CCSER1: variants seen among roughly 807,000 people sequenced by gnomAD.
The protein encoded by CCSER1 is serine-rich coiled-coil domain-containing protein 1.
Under a neutral mutation model 82.0 loss-of-function variants are expected in CCSER1, and 41 were observed. The observed-to-expected ratio is 0.50, with a 90% CI of 0.39 to 0.65. The LOEUF (loss-of-function observed/expected upper bound fraction) is 0.65. Among genes scored for constraint, CCSER1 ranks in the 30% least tolerant of loss-of-function variants. CCSER1 has a pLI of 0.00. For synonymous variants in CCSER1, 414 were observed against 383.9 expected (o/e 1.08, Z -0.92); for missense variants, 1,119 against 1,064.2 (o/e 1.05, Z -0.72).
At chr4:90,732,409 G>A (rs1395125508) in intron 7 of CCSER1, among the ~76,000 whole-genome samples, 3 of 152,140 alleles carry the variant, frequency 2.0e-5, no homozygotes, top group African/African-American at 7.2e-5. Context: ...GGACATGTAT[G>A]TGATATTTCT....
intron 10 of CCSER1, among the ~76,000 whole-genome samples, chr4:91,456,697 A>C (rs1756195814): frequency 6.6e-6 from 1 of 152,076 alleles, no homozygotes; most frequent in Non-Finnish European, 1.5e-5. Flanking sequence ...GGTGAAAGTT[A>C]CCACTCATAC....
intron 7 of CCSER1, among the ~76,000 whole-genome samples, chr4:90,789,921 T>C (rs1204760567): frequency 6.6e-6 from 1 of 152,198 alleles, no homozygotes; most frequent in Non-Finnish European, 1.5e-5. Context: ...ATTGAACTCA[T>C]TATATATTTT....
At chr4:90,804,873 T>G (rs1757305096) in intron 7 of CCSER1, among the ~76,000 whole-genome samples, 1 of 152,166 alleles carries the variant, frequency 6.6e-6, no homozygotes, top group Non-Finnish European at 1.5e-5. Context: ...TGTATGTAAT[T>G]TTTTATCCGT....
At chr4:90,445,442 A>T (rs1760517275) in intron 4 of CCSER1, among the ~76,000 whole-genome samples, 1 of 152,092 alleles carries the variant, frequency 6.6e-6, no homozygotes, top group Non-Finnish European at 1.5e-5. Flanking sequence ...GGAGTCTTCC[A>T]TTCAACCTGG....
chr4:90,939,831 A>AT (rs1303406983), intron 9 of CCSER1, among the ~76,000 whole-genome samples: 1 of 152,074 alleles, frequency 6.6e-6, no homozygotes, highest in Non-Finnish European at 1.5e-5. Flanking sequence ...GCCCTTGTTG[A>AT]TTTTGCCTCT....
At chr4:91,338,750 A>G (rs1178363136) in intron 10 of CCSER1, among the ~76,000 whole-genome samples, 1 of 152,170 alleles carries the variant, frequency 6.6e-6, no homozygotes, top group Non-Finnish European at 1.5e-5. Flanking sequence ...ATGGCATTTC[A>G]GTATCATGTG....
chr4:91,429,191 C>T (rs6845679), intron 10 of CCSER1, among the ~76,000 whole-genome samples: 80,216 of 151,548 alleles, frequency 0.53, 21,756 homozygotes, highest in East Asian at 0.79. Context: ...ACTAATCCTA[C>T]CTTATTTCTC....
chr4:91,169,044 A>G (rs28654307), intron 10 of CCSER1, among the ~76,000 whole-genome samples: 109,317 of 151,582 alleles, frequency 0.72, 39,755 homozygotes, highest in Non-Finnish European at 0.78. Context: ...TCAAGTACCT[A>G]GGGACACAAA....
At chr4:90,378,002 G>A (rs1748631999) in intron 3 of CCSER1, among the ~76,000 whole-genome samples, 1 of 151,972 alleles carries the variant, frequency 6.6e-6, no homozygotes, top group South Asian at 2.1e-4. Context: ...TTTCTTCCCT[G>A]TCCACAAATT....
intron 9 of CCSER1, among the ~76,000 whole-genome samples, chr4:91,023,875 A>G (rs573506775): frequency 4.3e-4 from 66 of 152,294 alleles, no homozygotes; most frequent in Admixed American, 1.1e-3. Context: ...ACAAAATGAT[A>G]TAAGTATTTT....
Position 91,176,080 on chromosome 4 carries a change from G to A in CCSER1, c.2217+90086G>A, listed in dbSNP as rs115021515. Among the ~76,000 whole-genome samples the A allele has an allele frequency of 4.9e-3, 740 of 152,274 alleles. 5 individuals are homozygous for A. Among genetic ancestry groups the A allele is most frequent in the African/African-American group, 0.017 (697 of 41,538 alleles). On this transcript the variant is annotated intron_variant, in intron 10 of 10. Transcript: ENST00000509176. ...TCCCAGCACCATTTGTTTAGATAGG[G>A]AATCCTTTCCCCATTTCTGATTTTT...
At chr4:90,249,386 T>A (rs567338993) in intron 1 of CCSER1, among the ~76,000 whole-genome samples, 1 of 152,282 alleles carries the variant, frequency 6.6e-6, no homozygotes, top group South Asian at 2.1e-4. Context: ...AAGTATACAG[T>A]TCAATGATTT....
At chr4:90,461,483 G>T (rs1353947966) in intron 4 of CCSER1, among the ~76,000 whole-genome samples, 1 of 152,084 alleles carries the variant, frequency 6.6e-6, no homozygotes, top group Non-Finnish European at 1.5e-5. Flanking sequence ...AAGTTTAGAA[G>T]GTGTTTAAGG....
intron 1 of CCSER1, among the ~76,000 whole-genome samples, chr4:90,207,235 A>G (rs760773743): frequency 4.5e-4 from 69 of 151,848 alleles, no homozygotes; most frequent in Non-Finnish European, 9.1e-4. Flanking sequence ...ATTATGATGC[A>G]TTAAGTTGAT....
At chr4:90,373,150 G>A (rs1251659105) in intron 3 of CCSER1, among the ~76,000 whole-genome samples, 1 of 152,032 alleles carries the variant, frequency 6.6e-6, no homozygotes, top group African/African-American at 2.4e-5. Flanking sequence ...TGAGTTTACA[G>A]ATGTATAGGG....
chr4:90,325,166 C>T lies in CCSER1; in HGVS notation c.1509+12119C>T, dbSNP rs189781616. Among the ~76,000 whole-genome samples the T allele has an allele frequency of 5.3e-5, 8 of 152,204 alleles. No homozygotes were observed. The South Asian group carries it at 8.3e-4, about 16-fold the overall frequency. ...TGAATATTTGTTCAGTTTGGTGTTC[C>T]GATGTGGGGACAATCACTCGGGGTT... On this transcript the variant is annotated intron_variant, in intron 3 of 10. Transcript: ENST00000509176.
intron 3 of CCSER1, among the ~76,000 whole-genome samples, chr4:90,315,435 C>T (rs1736008404): frequency 6.6e-6 from 1 of 152,144 alleles, no homozygotes; most frequent in South Asian, 2.1e-4. Flanking sequence ...CACGATCTTA[C>T]CATCTTCCTT....
chr4:90,846,595 A>T (rs1248278936), intron 8 of CCSER1, among the ~76,000 whole-genome samples: 1 of 152,172 alleles, frequency 6.6e-6, no homozygotes, highest in Non-Finnish European at 1.5e-5. Flanking sequence ...CTTTTCTTCT[A>T]CTTATTTTGA....
chr4:91,177,316 G>A lies in CCSER1; in HGVS notation c.2217+91322G>A, dbSNP rs1733497845. 2.0e-5 allele frequency among the ~76,000 whole-genome samples: 3 copies of A among 152,314 alleles called. No individual in the cohort carries two copies. In the South Asian group the frequency reaches 6.2e-4, roughly 32 times the overall value. ...GTGTCTCTGCCAGGCTTTGGTATCAGGATGATGCTGGCCTCATAAAATGAG... is the reference window on the plus strand; with the variant it reads ...GTGTCTCTGCCAGGCTTTGGTATCAAGATGATGCTGGCCTCATAAAATGAG... On this transcript the variant is annotated intron_variant, in intron 10 of 10. Coordinates refer to ENST00000509176, the MANE Select transcript of CCSER1 (RefSeq NM_001145065.2).
Sources: allele counts gnomAD v4.1 joint callset (sites outside exome capture counted in the v4.1 genomes callset), GRCh38; gene constraint gnomAD v4.1.1; transcripts MANE v1.5; gene names NCBI Gene and HGNC (gene_info 2026-07-23, HGNC 2026-07-21).